Variants in CNTNAP2 observed in about 807,000 individuals in gnomAD.
CNTNAP2 encodes contactin-associated protein-like 2.
A neutral mutation model predicts 155.2 loss-of-function variants in CNTNAP2; 98 were observed. That is an observed-to-expected ratio of 0.63 (90% CI 0.54 to 0.75). The LOEUF is 0.75. Among genes scored for constraint, CNTNAP2 ranks in the 30% least tolerant of loss-of-function variants. The pLI is 0.00. For synonymous variants in CNTNAP2, 651 were observed against 631.2 expected, an observed-to-expected ratio of 1.03 and a Z score of -0.47; for missense variants, 1,727 against 1,688.1, an observed-to-expected ratio of 1.02 and a Z score of -0.40.
intron 11 of CNTNAP2, among the ~76,000 whole-genome samples, chr7:147,496,082 T>C (rs1204263839): frequency 6.6e-6 from 1 of 152,230 alleles, no homozygotes; most frequent in East Asian, 1.9e-4. Context: ...GACCACCTAG[T>C]TGCAGGAAAA....
At chr7:146,295,136 A>G (rs1800492209) in intron 1 of CNTNAP2, among the ~76,000 whole-genome samples, 1 of 152,212 alleles carries the variant, frequency 6.6e-6, no homozygotes, top group Non-Finnish European at 1.5e-5. Flanking sequence ...AGTCATAGTC[A>G]CTACATTTTA....
intron 1 of CNTNAP2, among the ~76,000 whole-genome samples, chr7:146,587,800 G>T (rs1440553582): frequency 1.3e-5 from 2 of 151,930 alleles, no homozygotes; most frequent in Non-Finnish European, 2.9e-5. Context: ...AGCCTCCTGA[G>T]TAGCCTCCGG....
chr7:146,159,271 A>G (rs1798178716), intron 1 of CNTNAP2, among the ~76,000 whole-genome samples: 1 of 152,246 alleles, frequency 6.6e-6, no homozygotes, highest in Admixed American at 6.5e-5. Context: ...AACCAGTACC[A>G]GCCACTGCAA....
At chr7:146,273,180 G>A (rs1800110946) in intron 1 of CNTNAP2, among the ~76,000 whole-genome samples, 1 of 151,082 alleles carries the variant, frequency 6.6e-6, no homozygotes, top group Non-Finnish European at 1.5e-5. Context: ...TTCTGCTTTG[G>A]GAAATGTATT....
intron 3 of CNTNAP2, among the ~76,000 whole-genome samples, chr7:147,014,937 G>A (rs1798692628): frequency 2.0e-5 from 3 of 152,092 alleles, no homozygotes; most frequent in Non-Finnish European, 2.9e-5. Flanking sequence ...AGAATATTAA[G>A]ATTATTAATG....
intron 3 of CNTNAP2, among the ~76,000 whole-genome samples, chr7:146,845,659 G>A (rs1218809696): frequency 6.6e-6 from 1 of 152,074 alleles, no homozygotes; most frequent in Non-Finnish European, 1.5e-5. Context: ...TCTTATTCAT[G>A]ATTGAAAATA....
At chr7:147,175,260 C>CTT (rs1417078711) in intron 8 of CNTNAP2, among the ~76,000 whole-genome samples, 2 of 90,880 alleles carry the variant, frequency 2.2e-5, no homozygotes, top group Non-Finnish European at 4.5e-5. Flanking sequence ...AGCCCTTCTG[C>CTT]TCTTTTTTTG....
intron 1 of CNTNAP2, among the ~76,000 whole-genome samples, chr7:146,461,256 T>A (rs913781879): frequency 3.3e-5 from 5 of 150,632 alleles, no homozygotes; most frequent in East Asian, 2.0e-4. Flanking sequence ...CAAAAAAAAA[T>A]TAGCTGGGCG....
At chr7:148,232,726 G>A (rs1034504898) in intron 20 of CNTNAP2, among the ~76,000 whole-genome samples, 4 of 152,218 alleles carry the variant, frequency 2.6e-5, no homozygotes, top group Non-Finnish European at 5.9e-5. Flanking sequence ...TGGAATTAAG[G>A]TGAATGTTGA....
intron 13 of CNTNAP2, among the ~76,000 whole-genome samples, chr7:147,809,828 C>T (rs184420323): frequency 1.3e-5 from 2 of 152,174 alleles, no homozygotes; most frequent in Non-Finnish European, 2.9e-5. Flanking sequence ...TTACTTGAAA[C>T]GTATGTTAGA....
At chr7:146,500,440 G>A (rs185739411) in intron 1 of CNTNAP2, among the ~76,000 whole-genome samples, 1 of 152,252 alleles carries the variant, frequency 6.6e-6, no homozygotes, top group Non-Finnish European at 1.5e-5. Flanking sequence ...AACTTAGTTG[G>A]GGGGAGGTAA....
chr7:146,361,762 G>A (rs964531698), intron 1 of CNTNAP2, among the ~76,000 whole-genome samples: 1 of 151,790 alleles, frequency 6.6e-6, no homozygotes, highest in East Asian at 1.9e-4. Flanking sequence ...CAATAGTCAC[G>A]ATTAGCCTAT....
intron 11 of CNTNAP2, among the ~76,000 whole-genome samples, chr7:147,518,214 T>G (rs1799164146): frequency 6.6e-6 from 1 of 152,274 alleles, no homozygotes; most frequent in South Asian, 2.1e-4. Context: ...GAACATACAC[T>G]GAACATAGAA....
Position 146,286,657 on chromosome 7 carries a change from C to G in CNTNAP2, c.97+169684C>G, listed in dbSNP as rs544838932. 1.2e-4 allele frequency among the ~76,000 whole-genome samples: 18 copies of G among 152,250 alleles called. No homozygotes were observed. The South Asian group carries it at 3.5e-3, about 30-fold the overall frequency. On this transcript the variant is annotated intron_variant, in intron 1 of 23. Coordinates refer to ENST00000361727, the MANE Select transcript of CNTNAP2 (RefSeq NM_014141.6). ...ACAACAGCCCAAATCCTGAATACAACTTCTAGGGCCTTCCTTGTCTGACCT... is the reference window on the plus strand; with the variant it reads ...ACAACAGCCCAAATCCTGAATACAAGTTCTAGGGCCTTCCTTGTCTGACCT...
At chr7:146,606,555 A>T (rs1024922551) in intron 1 of CNTNAP2, among the ~76,000 whole-genome samples, 14 of 152,204 alleles carry the variant, frequency 9.2e-5, no homozygotes, top group African/African-American at 3.4e-4. Context: ...CCTAGCCATA[A>T]GTCTATAACA....
At chr7:147,384,906 C>T (rs1443871864) in intron 9 of CNTNAP2, among the ~76,000 whole-genome samples, 2 of 152,194 alleles carry the variant, frequency 1.3e-5, no homozygotes, top group Non-Finnish European at 1.5e-5. Context: ...TCTCTTTTCA[C>T]ACTGCTGATA....
intron 8 of CNTNAP2, among the ~76,000 whole-genome samples, chr7:147,257,575 A>G (rs934356474): frequency 8.5e-5 from 13 of 152,366 alleles, no homozygotes; most frequent in Admixed American, 7.2e-4. Context: ...TACCACATGT[A>G]TGGAACTCCA....
At chr7:147,733,874 A>C (rs1467463745) in intron 13 of CNTNAP2, among the ~76,000 whole-genome samples, 3 of 152,144 alleles carry the variant, frequency 2.0e-5, no homozygotes, top group Non-Finnish European at 4.4e-5. Flanking sequence ...TTGTATCCTG[A>C]GACTTTGCTG....
At chr7:147,929,276 GA>G (rs1312690955) in intron 14 of CNTNAP2, among the ~76,000 whole-genome samples, 4 of 152,028 alleles carry the variant, frequency 2.6e-5, no homozygotes, top group Non-Finnish European at 5.9e-5. Context: ...GGATAGAAGA[GA>G]TATTATTCAC....
Sources: gnomAD v4.1 joint callset for allele counts (sites outside exome capture counted in the v4.1 genomes callset) on GRCh38, gnomAD v4.1.1 for gene constraint, MANE v1.5 for transcripts, NCBI Gene and HGNC (gene_info 2026-07-23, HGNC 2026-07-21) for gene names.